The following C10orf67 variants were observed in gnomAD, a reference collection of about 807,000 sequenced individuals.
C10orf67 encodes the protein chromosome 10 open reading frame 67, also known as uncharacterized protein C10orf67, mitochondrial.
Under a neutral mutation model 35.6 loss-of-function variants are expected in C10orf67, and 60 were observed. That is an observed-to-expected ratio of 1.68 (90% CI 1.37 to 2.09). The LOEUF (loss-of-function observed/expected upper bound fraction) is 2.09, where lower values mean the gene tolerates loss of function less well. Ranked by LOEUF, C10orf67 falls within the 30% of genes most tolerant of loss-of-function variation. C10orf67 has a pLI of 0.00. For synonymous variants in C10orf67, 167 were observed against 115.8 expected (o/e 1.44, Z -2.84); for missense variants, 474 against 330.2 (o/e 1.44, Z -3.38).
intron 12 of C10orf67, among the ~76,000 whole-genome samples, chr10:23,240,857 A>G (rs967072154): frequency 2.6e-5 from 4 of 152,254 alleles, no homozygotes; most frequent in African/African-American, 9.6e-5. Flanking sequence ...TGGGAGACGT[A>G]CAAGATTTTG....
chr10:23,343,384 G>A (rs1291384313), intron 1 of C10orf67, among the ~76,000 whole-genome samples: 2 of 152,162 alleles, frequency 1.3e-5, no homozygotes, highest in African/African-American at 2.4e-5. Context: ...GGTACTGTCT[G>A]TGCAGAAGGG....
At chr10:23,209,822 A>C (rs1478324594) in intron 15 of C10orf67, among the ~76,000 whole-genome samples, 2 of 151,988 alleles carry the variant, frequency 1.3e-5, no homozygotes, top group East Asian at 3.9e-4. Flanking sequence ...CAACATGGCA[A>C]AATCTTGTCT....
chr10:23,260,092 A>G (rs1027735674), intron 10 of C10orf67, among the ~76,000 whole-genome samples: 5 of 152,188 alleles, frequency 3.3e-5, no homozygotes, highest in African/African-American at 9.6e-5. Context: ...AAGATACTTT[A>G]TTATCCAGCT....
At chr10:23,276,728 A>G (rs1252539791) in intron 8 of C10orf67, among the ~76,000 whole-genome samples, 1 of 152,158 alleles carries the variant, frequency 6.6e-6, no homozygotes, top group African/African-American at 2.4e-5. Flanking sequence ...GATATTGCCC[A>G]TGGTGAGCAG....
At chr10:23,296,411 T>C (rs1418543963) in intron 5 of C10orf67, among the ~76,000 whole-genome samples, 1 of 152,182 alleles carries the variant, frequency 6.6e-6, no homozygotes, top group African/African-American at 2.4e-5. Context: ...TACTATCTGA[T>C]TGGTCTGGTG....
intron 6 of C10orf67, among the ~76,000 whole-genome samples, chr10:23,290,580 C>T (rs895343592): frequency 3.9e-5 from 6 of 152,086 alleles, no homozygotes; most frequent in African/African-American, 7.2e-5. Flanking sequence ...CTAACAACTT[C>T]GGTGATTTAA....
chr10:23,216,660 A>C (rs1841440035), intron 15 of C10orf67, among the ~76,000 whole-genome samples: 1 of 152,188 alleles, frequency 6.6e-6, no homozygotes, highest in Non-Finnish European at 1.5e-5. Context: ...AAATGAACTC[A>C]AGCTACATAC....
chr10:23,248,246 T>A (rs1381353647), intron 12 of C10orf67, among the ~76,000 whole-genome samples: 2 of 151,566 alleles, frequency 1.3e-5, no homozygotes, highest in African/African-American at 4.9e-5. Flanking sequence ...CCGCCTGGGG[T>A]GGAGGTGGAA....
intron 1 of C10orf67, among the ~76,000 whole-genome samples, chr10:23,337,311 G>A (rs1347536002): frequency 6.6e-6 from 1 of 152,102 alleles, no homozygotes; most frequent in Non-Finnish European, 1.5e-5. Context: ...AGGTGGGTGG[G>A]TCACTTGAGC....
At chr10:23,282,785 C>T (rs1473340005) in intron 7 of C10orf67, among the ~76,000 whole-genome samples, 1 of 152,118 alleles carries the variant, frequency 6.6e-6, no homozygotes, top group Non-Finnish European at 1.5e-5. Flanking sequence ...GAACTATGGT[C>T]GCACCACTGC....
chr10:23,303,407 A>G lies in C10orf67; in HGVS notation c.599T>C (p.Val200Ala). The G allele has an allele frequency of 1.6e-6, 1 of 643,542 alleles. No individual in the cohort carries two copies. The highest frequency in any genetic ancestry group is 2.8e-6 in the Non-Finnish European group (1 of 354,496). 39.9% of individuals were successfully genotyped at this position (643,542 alleles called of 1,614,324 possible). Reference sequence around the variant, plus strand: ...TTTTCTTAACAAAATATTTGTTTTGACAGTACTCGCATCTTGCAAAGAAAC... The same window carrying G: ...TTTTCTTAACAAAATATTTGTTTTGGCAGTACTCGCATCTTGCAAAGAAAC... ...ENVSLQDAST[V>A]KTNILLRKLK... The change falls in exon 5 of 16, where the codon GTC becomes GCC. Residue 200 changes from valine to alanine, a missense_variant. Transcript: ENST00000636213.
At chr10:23,234,222 A>C (rs979975130) in intron 13 of C10orf67, among the ~76,000 whole-genome samples, 2 of 152,206 alleles carry the variant, frequency 1.3e-5, no homozygotes, top group Non-Finnish European at 2.9e-5. Context: ...ACACATGCAC[A>C]CATATGTTAA....
At chr10:23,286,679 T>C (rs1843550113) in intron 7 of C10orf67, among the ~76,000 whole-genome samples, 2 of 150,100 alleles carry the variant, frequency 1.3e-5, no homozygotes, top group African/African-American at 4.9e-5. Flanking sequence ...GAGGGAGGAA[T>C]GGAAAAACTG....
chr10:23,278,816 A>C (rs946324865), intron 8 of C10orf67, among the ~76,000 whole-genome samples: 1 of 152,206 alleles, frequency 6.6e-6, no homozygotes, highest in African/African-American at 2.4e-5. Context: ...CCTGAGTGTA[A>C]AGAGAGAAAT....
At chr10:23,226,142 C>T (rs1318457676) in intron 13 of C10orf67, among the ~76,000 whole-genome samples, 1 of 152,194 alleles carries the variant, frequency 6.6e-6, no homozygotes, top group Non-Finnish European at 1.5e-5. Flanking sequence ...ATACATTCTT[C>T]TCAGCACCAC....
intron 15 of C10orf67, among the ~76,000 whole-genome samples, chr10:23,210,772 A>C (rs1841287050): frequency 6.6e-6 from 1 of 152,184 alleles, no homozygotes; most frequent in South Asian, 2.1e-4. Context: ...ATCTGCTAGG[A>C]AAGTGCAGGC....
chr10:23,279,958 C>A (rs1301981823), intron 8 of C10orf67, among the ~76,000 whole-genome samples: 1 of 152,112 alleles, frequency 6.6e-6, no homozygotes. Context: ...AAGTGATCCT[C>A]ACACTTCCCA....
At chr10:23,284,695 CCAAA>C (rs72488870) in intron 7 of C10orf67, among the ~76,000 whole-genome samples, 27,756 of 151,152 alleles carry the variant, frequency 0.18, 2,788 homozygotes, top group Admixed American at 0.29. Context: ...CAAAAAACCC[CCAAA>C]CAAACAAACA....
chr10:23,292,520 C>A (rs1012801297), intron 5 of C10orf67, among the ~76,000 whole-genome samples: 4 of 151,924 alleles, frequency 2.6e-5, no homozygotes, highest in Admixed American at 6.6e-5. Context: ...TAAAATCTTC[C>A]CTCAAAAACA....
Sources: allele counts gnomAD v4.1 joint callset (sites outside exome capture counted in the v4.1 genomes callset), GRCh38; gene constraint gnomAD v4.1.1; transcripts MANE v1.5; gene names NCBI Gene and HGNC (gene_info 2026-07-23, HGNC 2026-07-21).